The following CASK variants were observed in gnomAD, a reference collection of about 807,000 sequenced individuals.
CASK encodes the protein peripheral plasma membrane protein CASK.
In CASK, 4 loss-of-function variants were observed where a neutral mutation model predicts 82.9. The ratio of observed to expected loss-of-function variants is 0.05; its 90% CI spans 0.02 to 0.11. The LOEUF is 0.11. Among genes scored for constraint, CASK ranks in the 10% least tolerant of loss-of-function variants. The pLI is 1.00. For synonymous variants in CASK, 259 were observed against 253.5 expected, an observed-to-expected ratio of 1.02 and a Z score of -0.20; for missense variants, 358 against 720.9, an observed-to-expected ratio of 0.50 and a Z score of 5.76.
intron 2 of CASK, among the ~76,000 whole-genome samples, chrX:41,830,515 C>T (rs1434451429): frequency 9.0e-6 from 1 of 111,546 alleles, no homozygotes; most frequent in Non-Finnish European, 1.9e-5. Flanking sequence ...AACTAGCGTG[C>T]CAGCCAGGTA....
chrX:41,557,134 C>T (rs774768695), intron 18 of CASK, 34 bp from the exon 19 acceptor site: 12 of 1,033,944 alleles, frequency 1.2e-5, no homozygotes, highest in South Asian at 1.9e-5. Flanking sequence ...TAACACAGAA[C>T]ACCAGCACAG....
chrX:41,773,807 C>T (rs931740617), intron 3 of CASK, among the ~76,000 whole-genome samples: 1 of 111,018 alleles, frequency 9.0e-6, no homozygotes, highest in Admixed American at 9.6e-5. Flanking sequence ...AAATGGTACA[C>T]TGGTATAGGG....
At chrX:41,579,828 A>C (rs1463989161) in intron 14 of CASK, among the ~76,000 whole-genome samples, 1 of 106,160 alleles carries the variant, frequency 9.4e-6, no homozygotes, top group African/African-American at 3.5e-5. Context: ...CATACGAGGC[A>C]AAAAAAAAAG....
At chrX:41,546,122 T>C (rs2147120504) in intron 21 of CASK, among the ~76,000 whole-genome samples, 1 of 111,302 alleles carries the variant, frequency 9.0e-6, no homozygotes, top group East Asian at 2.8e-4. Flanking sequence ...TACGGGTGCC[T>C]GCCACCACGC....
intron 1 of CASK, among the ~76,000 whole-genome samples, chrX:41,901,641 G>A (rs1433002854): frequency 9.0e-6 from 1 of 111,728 alleles, no homozygotes; most frequent in East Asian, 2.8e-4. Flanking sequence ...GGGCTATCCT[G>A]AAACTTGGGT....
chrX:41,524,091 C>A, intron 25 of CASK, 57 bp from the exon 26 acceptor site: 1 of 853,853 alleles, frequency 1.2e-6, no homozygotes, highest in Non-Finnish European at 1.7e-6. Flanking sequence ...ACTAATGTAA[C>A]TTTCAAATGA....
intron 9 of CASK, among the ~76,000 whole-genome samples, 189 bp from the exon 10 acceptor site, chrX:41,626,892 A>G (rs777273963): frequency 2.7e-5 from 3 of 112,369 alleles, no homozygotes; most frequent in African/African-American, 9.7e-5. Flanking sequence ...ATACCAGAAT[A>G]ACACTAATCG....
intron 1 of CASK, among the ~76,000 whole-genome samples, chrX:41,917,797 G>A (rs1418702036): frequency 9.0e-6 from 1 of 111,688 alleles, no homozygotes; most frequent in Non-Finnish European, 1.9e-5. Flanking sequence ...GAAAAGCAAC[G>A]GAGTAGCTCT....
intron 2 of CASK, among the ~76,000 whole-genome samples, chrX:41,812,388 C>T (rs1023929308): frequency 1.9e-3 from 207 of 111,438 alleles, no homozygotes; most frequent in Admixed American, 3.5e-3. Flanking sequence ...AAAGCTTATC[C>T]ACCATGATCA....
chrX:41,728,224 T>C (rs2068304215), intron 5 of CASK: 1 of 314,976 alleles, frequency 3.2e-6, no homozygotes, highest in Admixed American at 5.8e-5. Flanking sequence ...AACGTTGAGA[T>C]GGCAGAAACT....
intron 9 of CASK, among the ~76,000 whole-genome samples, chrX:41,628,977 C>T (rs190078414): frequency 1.6e-4 from 18 of 111,458 alleles, no homozygotes; most frequent in South Asian, 3.8e-4. Flanking sequence ...GTTAGTTATA[C>T]GCTTCAAGGC....
intron 7 of CASK, among the ~76,000 whole-genome samples, chrX:41,661,036 A>C (rs2067023724): frequency 8.9e-6 from 1 of 112,343 alleles, no homozygotes; most frequent in Non-Finnish European, 1.9e-5. Flanking sequence ...TGTTTAGGAA[A>C]AAGTATTCTA....
chrX:41,788,979 G>C (rs762294073), intron 2 of CASK, among the ~76,000 whole-genome samples: 1 of 111,712 alleles, frequency 9.0e-6, no homozygotes, highest in Non-Finnish European at 1.9e-5. Context: ...TTAGAAACGT[G>C]TTCAAGATCA....
chrX:41,668,747 C>CT lies in CASK; in HGVS notation c.532+2680dup, dbSNP rs1044375070. On this transcript the variant is annotated intron_variant, in intron 6 of 26. Transcript: ENST00000378163. The stretch of plus-strand genomic sequence containing the variant: ...ATTAAATGATTGACGGAATTTCTTT[C>CT]TTTTTTTTTTTGAGATAGGGTCTTG... Among the ~76,000 whole-genome samples, 65 of 104,815 alleles carry CT rather than the reference C, an allele frequency of 6.2e-4. No individual in the cohort carries two copies. In the East Asian group the frequency reaches 0.011, roughly 18 times the overall value. 91.0% of individuals were successfully genotyped at this position (104,815 alleles called of 115,157 possible).
At chrX:41,900,059 T>C (rs1228387411) in intron 1 of CASK, among the ~76,000 whole-genome samples, 2 of 109,907 alleles carry the variant, frequency 1.8e-5, no homozygotes, top group African/African-American at 6.6e-5. Context: ...TTTTTTTTTT[T>C]TTCTTTCAGC....
chrX:41,668,437 C>T (rs1229066888), intron 6 of CASK, among the ~76,000 whole-genome samples: 1 of 111,569 alleles, frequency 9.0e-6, no homozygotes, highest in Non-Finnish European at 1.9e-5. Flanking sequence ...AGCAAGTCAG[C>T]CTTAGAGAGT....
At chrX:41,846,297 TTA>T (rs2071153418) in intron 2 of CASK, among the ~76,000 whole-genome samples, 1 of 111,191 alleles carries the variant, frequency 9.0e-6, no homozygotes, top group Non-Finnish European at 1.9e-5. Flanking sequence ...CTGGAGGTCA[TTA>T]TGTTAAATGA....
chrX:41,614,292 C>G (rs2066157421), intron 11 of CASK, among the ~76,000 whole-genome samples: 1 of 111,804 alleles, frequency 8.9e-6, no homozygotes, highest in Non-Finnish European at 1.9e-5. Flanking sequence ...AAATGAGGCT[C>G]CTATTCTGGG....
At chrX:41,549,682 A>C (rs1227075543) in intron 21 of CASK, among the ~76,000 whole-genome samples, 1 of 108,136 alleles carries the variant, frequency 9.2e-6, no homozygotes, top group East Asian at 2.9e-4. Context: ...TCTATCGAAA[A>C]TTTAAAAATT....
Sources: allele counts gnomAD v4.1 joint callset (sites outside exome capture counted in the v4.1 genomes callset), GRCh38; gene constraint gnomAD v4.1.1; transcripts MANE v1.5; gene names NCBI Gene and HGNC (gene_info 2026-07-23, HGNC 2026-07-21).